CEP112: variants seen among roughly 807,000 people sequenced by gnomAD.
The protein encoded by CEP112 is centrosomal protein of 112 kDa.
In CEP112, 127 loss-of-function variants were observed where a neutral mutation model predicts 153.0. The ratio of observed to expected loss-of-function variants is 0.83; its 90% CI spans 0.72 to 0.96. CEP112 has a LOEUF of 0.96. Among genes scored for constraint, CEP112 ranks in the 40% least tolerant of loss-of-function variants. The pLI is 0.00. For missense variants in CEP112, 1,089 were observed against 1,101.2 expected, an observed-to-expected ratio of 0.99 and a Z score of 0.16; for synonymous variants, 358 against 374.4, an observed-to-expected ratio of 0.96 and a Z score of 0.51.
intron 6 of CEP112, among the ~76,000 whole-genome samples, chr17:66,116,602 T>A (rs1024557760): frequency 6.6e-6 from 1 of 152,172 alleles, no homozygotes; most frequent in Admixed American, 6.5e-5. Context: ...ATTTTAAGCT[T>A]TCAGATGAAA....
At chr17:65,642,861 G>A (rs1373046034) in intron 24 of CEP112, among the ~76,000 whole-genome samples, 1 of 152,148 alleles carries the variant, frequency 6.6e-6, no homozygotes, top group African/African-American at 2.4e-5. Context: ...GAAAGTTTGA[G>A]TTTCAACTCT....
chr17:66,095,982 G>A (rs1482002136), intron 8 of CEP112, among the ~76,000 whole-genome samples: 1 of 152,120 alleles, frequency 6.6e-6, no homozygotes, highest in East Asian at 1.9e-4. Flanking sequence ...GGAGGCTGAG[G>A]TGGGAGGACT....
chr17:65,847,741 G>A (rs2057779728), intron 21 of CEP112, among the ~76,000 whole-genome samples: 2 of 152,224 alleles, frequency 1.3e-5, no homozygotes, highest in Non-Finnish European at 2.9e-5. Context: ...TTCAGGTAAT[G>A]CTATGAGCTA....
chr17:65,657,517 T>C (rs1598218735), intron 24 of CEP112, among the ~76,000 whole-genome samples: 1 of 152,140 alleles, frequency 6.6e-6, no homozygotes, highest in Non-Finnish European at 1.5e-5. Context: ...CTTCTCTATG[T>C]TGCAAGGTAC....
intron 17 of CEP112, among the ~76,000 whole-genome samples, chr17:65,980,041 A>G (rs952756725): frequency 6.6e-6 from 1 of 152,194 alleles, no homozygotes; most frequent in African/African-American, 2.4e-5. Flanking sequence ...ATTAAAAAAG[A>G]AAAAGCCAAA....
intron 8 of CEP112, among the ~76,000 whole-genome samples, chr17:66,078,102 A>T (rs989521990): frequency 1.3e-5 from 2 of 152,140 alleles, no homozygotes; most frequent in African/African-American, 4.8e-5. Context: ...GCCAATTATC[A>T]CAGCACCATT....
intron 23 of CEP112, among the ~76,000 whole-genome samples, chr17:65,703,482 G>C (rs1293439316): frequency 1.4e-5 from 2 of 138,646 alleles, no homozygotes; most frequent in African/African-American, 5.4e-5. Flanking sequence ...CTGCACTCCA[G>C]AATGGGCAAC....
At chr17:65,973,860 T>C (rs1482242738) in intron 17 of CEP112, among the ~76,000 whole-genome samples, 1 of 152,194 alleles carries the variant, frequency 6.6e-6, no homozygotes, top group Admixed American at 6.5e-5. Flanking sequence ...TCAAAATATA[T>C]GAAACTGTAT....
chr17:65,750,876 C>T (rs1490386807), intron 21 of CEP112, 152 bp from the exon 22 acceptor site: 4 of 582,516 alleles, frequency 6.9e-6, no homozygotes, highest in African/African-American at 3.8e-5. Context: ...TGATGTTACG[C>T]CAACTATTCA....
intron 3 of CEP112, among the ~76,000 whole-genome samples, chr17:66,175,938 A>G (rs751773286): frequency 6.6e-6 from 1 of 152,220 alleles, no homozygotes; most frequent in East Asian, 1.9e-4. Flanking sequence ...CCAATCCTAC[A>G]GACAGAATCC....
At chr17:66,024,097 A>G (rs2065104226) in intron 16 of CEP112, among the ~76,000 whole-genome samples, 1 of 152,162 alleles carries the variant, frequency 6.6e-6, no homozygotes, top group Non-Finnish European at 1.5e-5. Flanking sequence ...ATGCAGAAAA[A>G]GCATTTGTTA....
chr17:65,846,599 C>T lies in CEP112; in HGVS notation c.2394+5205G>A, dbSNP rs142465713. Among the ~76,000 whole-genome samples the T allele has an allele frequency of 2.9e-4, 44 of 152,300 alleles. No homozygotes were observed. In the East Asian group the frequency reaches 7.9e-3, roughly 27 times the overall value. On this transcript the variant is annotated intron_variant, in intron 21 of 26. Transcript: ENST00000535342. ...TTTGTTTTGTTTTGAGACGGAGTCT[C>T]GCTCTGTTGCCTAGGCTGAAGCACA...
chr17:65,716,483 G>A (rs1237055650), intron 23 of CEP112, among the ~76,000 whole-genome samples: 3 of 152,066 alleles, frequency 2.0e-5, no homozygotes, highest in Non-Finnish European at 2.9e-5. Context: ...TTAAGAGTTC[G>A]ATGGTTGAAA....
chr17:66,166,118 T>C (rs1027755628), intron 4 of CEP112, among the ~76,000 whole-genome samples: 1 of 152,166 alleles, frequency 6.6e-6, no homozygotes, highest in East Asian at 1.9e-4. Flanking sequence ...AAATCTGATA[T>C]GGTAAAAATA....
At chr17:65,981,451 A>G (rs1389463145) in intron 17 of CEP112, among the ~76,000 whole-genome samples, 1 of 152,234 alleles carries the variant, frequency 6.6e-6, no homozygotes, top group Non-Finnish European at 1.5e-5. Context: ...TCAGAGCACT[A>G]TTTAATTTTG....
At chr17:65,971,673 A>G (rs2062838242) in intron 17 of CEP112, among the ~76,000 whole-genome samples, 1 of 152,142 alleles carries the variant, frequency 6.6e-6, no homozygotes, top group Admixed American at 6.5e-5. Flanking sequence ...TGTATGTTAC[A>G]TGCATATTAC....
chr17:65,806,450 A>G (rs928452147), intron 21 of CEP112, among the ~76,000 whole-genome samples: 18 of 152,240 alleles, frequency 1.2e-4, no homozygotes, highest in African/African-American at 4.3e-4. Context: ...AAGAAGTGGG[A>G]ACCGTAAGAG....
At chr17:66,091,353 C>T (rs1440913765) in intron 8 of CEP112, among the ~76,000 whole-genome samples, 3 of 151,818 alleles carry the variant, frequency 2.0e-5, no homozygotes, top group African/African-American at 7.3e-5. Context: ...CTTTTCTGAC[C>T]ACATGTTTAA....
At chr17:66,161,634 G>A (rs1030515140) in intron 4 of CEP112, among the ~76,000 whole-genome samples, 3 of 152,082 alleles carry the variant, frequency 2.0e-5, no homozygotes, top group African/African-American at 7.2e-5. Context: ...AGTTGAACAT[G>A]AGAACACATG....
Sources: gnomAD v4.1 joint callset for allele counts (sites outside exome capture counted in the v4.1 genomes callset) on GRCh38, gnomAD v4.1.1 for gene constraint, MANE v1.5 for transcripts, NCBI Gene and HGNC (gene_info 2026-07-23, HGNC 2026-07-21) for gene names.